SUPT3H: variants seen among roughly 807,000 people sequenced by gnomAD.
SUPT3H encodes the protein transcription initiation protein SPT3 homolog.
A neutral mutation model predicts 44.3 loss-of-function variants in SUPT3H; 44 were observed. The observed-to-expected ratio is 0.99, with a 90% CI of 0.78 to 1.28. The LOEUF is 1.28. Ranked by LOEUF, SUPT3H falls within the 50% of genes most tolerant of loss-of-function variation. The probability of loss-of-function intolerance (pLI) is 0.00; values close to 1 mark genes in which losing one functional copy is unlikely to be tolerated. For synonymous variants in SUPT3H, 124 were observed against 125.6 expected (o/e 0.99, Z 0.09); for missense variants, 380 against 387.1 (o/e 0.98, Z 0.15).
At chr6:44,817,107 T>G (rs1766964256) in intron 11 of SUPT3H, among the ~76,000 whole-genome samples, 1 of 34,504 alleles carries the variant, frequency 2.9e-5, no homozygotes, top group African/African-American at 5.6e-5. Flanking sequence ...CACATACATA[T>G]TCACACACAC....
At chr6:44,870,846 G>A (rs1776305997) in intron 10 of SUPT3H, among the ~76,000 whole-genome samples, 1 of 151,866 alleles carries the variant, frequency 6.6e-6, no homozygotes, top group Middle Eastern at 3.4e-3. Context: ...GAAGCGCAAG[G>A]GGTCAGGGAG....
intron 3 of SUPT3H, among the ~76,000 whole-genome samples, chr6:45,039,327 A>C (rs567003893): frequency 1.3e-5 from 2 of 152,180 alleles, no homozygotes; most frequent in Non-Finnish European, 2.9e-5. Context: ...TTTCAAATCT[A>C]CTTTGCTGAG....
intron 3 of SUPT3H, among the ~76,000 whole-genome samples, chr6:45,063,155 T>C (rs1042144090): frequency 1.6e-4 from 23 of 145,918 alleles, no homozygotes; most frequent in African/African-American, 6.0e-4. Flanking sequence ...CCCTGACCCC[T>C]GACCCCCGAG....
At chr6:45,074,563 C>T (rs1329195434) in intron 3 of SUPT3H, among the ~76,000 whole-genome samples, 1 of 151,902 alleles carries the variant, frequency 6.6e-6, no homozygotes, top group African/African-American at 2.4e-5. Context: ...ACTAACAAAA[C>T]CAAGGAAAGC....
intron 9 of SUPT3H, among the ~76,000 whole-genome samples, chr6:44,938,894 C>A (rs1242724157): frequency 6.6e-6 from 1 of 152,070 alleles, no homozygotes; most frequent in African/African-American, 2.4e-5. Context: ...TGAATAGAAA[C>A]ACTACTGATT....
chr6:44,946,366 T>C (rs1773343525), intron 9 of SUPT3H, among the ~76,000 whole-genome samples: 1 of 152,212 alleles, frequency 6.6e-6, no homozygotes, highest in African/African-American at 2.4e-5. Flanking sequence ...ATTGCTGCCA[T>C]AGATAGTGAT....
chr6:45,084,090 A>G (rs1562424677), intron 3 of SUPT3H, among the ~76,000 whole-genome samples: 1 of 152,176 alleles, frequency 6.6e-6, no homozygotes, highest in Non-Finnish European at 1.5e-5. Context: ...TTGGCAAAGA[A>G]TTCATGACTA....
At chr6:45,228,001 A>C (rs1767247987) in intron 2 of SUPT3H, among the ~76,000 whole-genome samples, 1 of 152,226 alleles carries the variant, frequency 6.6e-6, no homozygotes, top group Admixed American at 6.5e-5. Context: ...CTCAAAGTAC[A>C]TAATGATCTG....
At position 45,052,769 on chromosome 6, in the gene SUPT3H, A is replaced by C. The variant is rs749899478; in HGVS notation, c.187-32137T>G. On this transcript the variant is annotated intron_variant, in intron 3 of 10. Transcript: ENST00000371459. ...TACACCAGAGGCTGGGAATGCAAAG[A>C]TGACTAAAATGTGGTCCTTACCTTA... Among the ~76,000 whole-genome samples, 144 of 152,220 alleles carry C rather than the reference A, an allele frequency of 9.5e-4. 2 individuals are homozygous for C. Among genetic ancestry groups the C allele is most frequent in the Non-Finnish European group, 1.6e-3 (111 of 68,036 alleles).
In SUPT3H at chr6:45,328,643, T is replaced by C. The variant is rs760237156; in HGVS notation, c.101+36558A>G. 8.1e-6 allele frequency: 13 copies of C among 1,610,450 alleles called. No homozygotes were observed. The Admixed American group carries it at 1.3e-4, about 17-fold the overall frequency. Reference sequence around the variant, plus strand: ...CTGTAAAACTAAAACAAGGTTTGGGTATGGTTTGTATTTTCAGTTTAAGGC... The same window carrying C: ...CTGTAAAACTAAAACAAGGTTTGGGCATGGTTTGTATTTTCAGTTTAAGGC... On this transcript the variant is annotated intron_variant, in intron 2 of 10. Transcript: ENST00000371459.
At chr6:45,209,183 A>G (rs1290714868) in intron 2 of SUPT3H, among the ~76,000 whole-genome samples, 1 of 152,184 alleles carries the variant, frequency 6.6e-6, no homozygotes, top group East Asian at 1.9e-4. Context: ...CGAGGAGATG[A>G]ATGTTGTTTT....
chr6:45,121,523 G>A (rs887180508), intron 2 of SUPT3H, among the ~76,000 whole-genome samples: 1 of 151,890 alleles, frequency 6.6e-6, no homozygotes, highest in Non-Finnish European at 1.5e-5. Flanking sequence ...TTATGTGGGG[G>A]GGGGGGTGGA....
intron 2 of SUPT3H, among the ~76,000 whole-genome samples, chr6:45,331,257 T>G (rs1013944960): frequency 2.0e-5 from 3 of 152,044 alleles, no homozygotes; most frequent in Non-Finnish European, 4.4e-5. Context: ...ATCATAAATA[T>G]AGCTTGCTGA....
intron 6 of SUPT3H, among the ~76,000 whole-genome samples, chr6:44,963,443 T>C (rs537006061): frequency 4.1e-4 from 63 of 152,216 alleles, no homozygotes; most frequent in Middle Eastern, 6.8e-3. Context: ...TGAGCTGAGA[T>C]CACGCCACTG....
At chr6:45,113,948 T>C (rs1800463892) in intron 2 of SUPT3H, among the ~76,000 whole-genome samples, 1 of 152,036 alleles carries the variant, frequency 6.6e-6, no homozygotes, top group Non-Finnish European at 1.5e-5. Context: ...CTTCTGATAG[T>C]AAACATTCAT....
intron 9 of SUPT3H, among the ~76,000 whole-genome samples, chr6:44,942,240 C>T (rs576099949): frequency 2.6e-5 from 4 of 151,980 alleles, no homozygotes; most frequent in Admixed American, 1.3e-4. Flanking sequence ...GTTTTAGCTA[C>T]TGAATGAGTT....
At chr6:45,210,201 G>A (rs1763864634) in intron 2 of SUPT3H, among the ~76,000 whole-genome samples, 1 of 152,064 alleles carries the variant, frequency 6.6e-6, no homozygotes, top group Admixed American at 6.6e-5. Context: ...AGGCAAATCT[G>A]CCATCCATTT....
intron 2 of SUPT3H, chr6:45,328,142 A>G: frequency 1.7e-6 from 1 of 576,292 alleles, no homozygotes; most frequent in South Asian, 2.2e-5. Flanking sequence ...AGGCCTTACC[A>G]CAAGCCTTTT....
chr6:45,112,406 T>TA (rs1406536115), intron 2 of SUPT3H, among the ~76,000 whole-genome samples: 6 of 150,806 alleles, frequency 4.0e-5, no homozygotes, highest in East Asian at 1.9e-4. Context: ...TTCCTTAAAT[T>TA]TAAAAAAAAA....
Sources: gnomAD v4.1 joint callset for allele counts (sites outside exome capture counted in the v4.1 genomes callset) on GRCh38, gnomAD v4.1.1 for gene constraint, MANE v1.5 for transcripts, NCBI Gene and HGNC (gene_info 2026-07-23, HGNC 2026-07-21) for gene names.